VLDLR: variants seen among roughly 807,000 people sequenced by gnomAD.
VLDLR encodes very low density lipoprotein receptor.
In VLDLR, 81 loss-of-function variants were observed where a neutral mutation model predicts 112.7. That is an observed-to-expected ratio of 0.72 (90% CI 0.60 to 0.86). The LOEUF (loss-of-function observed/expected upper bound fraction) is 0.86. Among genes scored for constraint, VLDLR ranks in the 40% least tolerant of loss-of-function variants. VLDLR has a pLI of 0.00. For missense variants in VLDLR, 1,237 were observed against 1,099.4 expected, an observed-to-expected ratio of 1.13 and a Z score of -1.77; for synonymous variants, 436 against 384.8, an observed-to-expected ratio of 1.13 and a Z score of -1.56.
chr9:2,647,371 A>T, intron 11 of VLDLR, 103 bp from the exon 12 acceptor site: 1 of 881,586 alleles, frequency 1.1e-6, no homozygotes, highest in South Asian at 1.3e-5. Context: ...TCACTAGAGA[A>T]TGCCTTGAGT....
In VLDLR at chr9:2,652,813, T is replaced by C. The variant is rs1818412460; in HGVS notation, c.2450T>C (p.Leu817Ser). 3.1e-6 allele frequency: 5 copies of C among 1,614,046 alleles called. No homozygotes were observed. The highest frequency in any genetic ancestry group is 8.5e-7 in the Non-Finnish European group (1 of 1,180,008). Residue 817 changes from leucine to serine, a missense_variant, in exon 18 of 19, where the codon TTG (leucine) becomes TCG (serine). By Grantham distance (145) the Leu-to-Ser change is moderately radical. Transcript: ENST00000382100. ...LLVMAAVGGY[L>S]MWRNWQHKNM... Reference sequence around the variant, plus strand: ...GTGATGGCAGCAGTAGGTGGCTACTTGATGTGGCGGAATTGGCAACACAAG... The same window carrying C: ...GTGATGGCAGCAGTAGGTGGCTACTCGATGTGGCGGAATTGGCAACACAAG...
At chr9:2,646,301 C>G (rs773590400) in intron 10 of VLDLR, 33 bp from the exon 11 acceptor site, 6 of 1,607,966 alleles carry the variant, frequency 3.7e-6, no homozygotes, top group Non-Finnish European at 4.3e-6. Context: ...TTGTGTCAAA[C>G]TCTTAAATTT....
intron 18 of VLDLR, among the ~76,000 whole-genome samples, chr9:2,653,387 C>T (rs1204481358): frequency 6.6e-6 from 1 of 152,146 alleles, no homozygotes; most frequent in Non-Finnish European, 1.5e-5. Flanking sequence ...TCCCACCGCC[C>T]TTAGTATAGC....
At chr9:2,625,078 A>C (rs1817031158) in intron 1 of VLDLR, among the ~76,000 whole-genome samples, 1 of 152,264 alleles carries the variant, frequency 6.6e-6, no homozygotes, top group Admixed American at 6.5e-5. Context: ...TTGCTAGCAA[A>C]GGTGACAGTC....
chr9:2,629,775 C>T (rs1817254873), intron 1 of VLDLR, among the ~76,000 whole-genome samples: 1 of 152,134 alleles, frequency 6.6e-6, no homozygotes, highest in African/African-American at 2.4e-5. Flanking sequence ...TAGTGGCCCC[C>T]GAACTAGTGT....
Position 2,650,510 on chromosome 9 carries a change from T to C in VLDLR, c.2245T>C (p.Cys749Arg). The part of the protein sequence containing the change: ...GYNVEENGRD[C>R]QSTATTVTYS... ...CAATGTAGAGGAAAATGGCCGAGAC[T>C]GTCAAAGTAAGGCATTTTGTGTTTC... The change falls in exon 15 of 19, where the codon TGT becomes CGT. Residue 749 changes from cysteine to arginine, a missense_variant. Coordinates refer to ENST00000382100, the MANE Select transcript of VLDLR (RefSeq NM_003383.5). 6.2e-7 allele frequency: 1 copy of C among 1,613,606 alleles called. No homozygotes were observed. The highest frequency in any genetic ancestry group is 8.5e-7 in the Non-Finnish European group (1 of 1,179,988).
At chr9:2,646,252 A>G (rs1818063720) in intron 10 of VLDLR, 82 bp from the exon 11 acceptor site, 6 of 1,358,434 alleles carry the variant, frequency 4.4e-6, no homozygotes, top group Admixed American at 1.7e-5. Context: ...AAAGTCATTG[A>G]CCATTTTGTA....
In VLDLR at chr9:2,651,620, T is replaced by TAAAC. The variant is rs572986060; in HGVS notation, c.2335+124_2335+127dup. ...TCTGCCCCAATTGGTAACCTATATTTAAACACCAAAGACTTAAAACTTGCA... is the reference window on the plus strand; with the variant it reads ...TCTGCCCCAATTGGTAACCTATATTTAAACAAACACCAAAGACTTAAAACTTGCA... On this transcript the variant is annotated intron_variant, in intron 16 of 18. Coordinates refer to ENST00000382100, the MANE Select transcript of VLDLR (RefSeq NM_003383.5). 2.3e-4 allele frequency: 224 copies of TAAAC among 993,366 alleles called. 1 individual carries two copies. In the African/African-American group the frequency reaches 3.0e-3, roughly 13 times the overall value. The allele number at this position is 993,366 out of a possible 1,614,324, so 61.5% of individuals were successfully genotyped here.
At chr9:2,640,121 C>A in intron 3 of VLDLR, 140 bp downstream of exon 3, 1 of 1,336,964 alleles carries the variant, frequency 7.5e-7, no homozygotes, top group Non-Finnish European at 1.1e-6. Context: ...CAAGGGCAGT[C>A]AAATCATTAC....
chr9:2,644,620 A>G, intron 7 of VLDLR, 114 bp from the exon 8 acceptor site: 2 of 1,354,136 alleles, frequency 1.5e-6, no homozygotes, highest in Non-Finnish European at 2.1e-6. Context: ...TCTTAGACAA[A>G]TCGTGGGTTT....
intron 4 of VLDLR, among the ~76,000 whole-genome samples, 163 bp downstream of exon 4, chr9:2,641,662 C>T (rs917417839): frequency 2.6e-5 from 4 of 152,116 alleles, no homozygotes; most frequent in African/African-American, 9.7e-5. Context: ...GCCCTAAAAC[C>T]CTAAAAGACA....
intron 10 of VLDLR, among the ~76,000 whole-genome samples, chr9:2,646,085 GAAAC>G (rs1818055392): frequency 6.6e-6 from 1 of 151,870 alleles, no homozygotes; most frequent in South Asian, 2.1e-4. Context: ...GATGGATACT[GAAAC>G]AAATAGCTTC....
intron 15 of VLDLR, among the ~76,000 whole-genome samples, chr9:2,650,925 C>T (rs566167743): frequency 2.0e-5 from 3 of 152,214 alleles, no homozygotes; most frequent in African/African-American, 7.2e-5. Context: ...GCTGAATTTG[C>T]ATTTAGTCTT....
At position 2,635,580 on chromosome 9, in the gene VLDLR, AAG is replaced by A; in HGVS notation, c.202+11_202+12del. ...GTGATGAAAAGAACTGTGGTAAGTA[AAG>A]AGTTTGATGACTTATGCATTTTGTT... On this transcript the variant is annotated intron_variant, in intron 2 of 18. Coordinates refer to ENST00000382100, the MANE Select transcript of VLDLR (RefSeq NM_003383.5). The A allele has an allele frequency of 6.2e-7, 1 of 1,613,988 alleles. No homozygotes were observed. The highest frequency in any genetic ancestry group is 1.7e-5 in the Admixed American group (1 of 60,010).
chr9:2,622,143 C>G lies in VLDLR; in HGVS notation c.-47C>G. On this transcript the variant is annotated 5_prime_UTR_variant, in exon 1 of 19. Coordinates refer to ENST00000382100, the MANE Select transcript of VLDLR (RefSeq NM_003383.5). Reference sequence around the variant, plus strand: ...AGGACTGGTAACTTGTCGTGCGGAGCGAACGGCGGCGGCGGCGGCGGCGGC... The same window carrying G: ...AGGACTGGTAACTTGTCGTGCGGAGGGAACGGCGGCGGCGGCGGCGGCGGC... 3 of 1,387,458 alleles carry G rather than the reference C, an allele frequency of 2.2e-6. No homozygotes were observed. Among genetic ancestry groups the G allele is most frequent in the Non-Finnish European group, 1.9e-6 (2 of 1,057,330 alleles). 85.9% of individuals were successfully genotyped at this position (1,387,458 alleles called of 1,614,324 possible).
At chr9:2,622,699 G>C (rs557017462) in intron 1 of VLDLR, among the ~76,000 whole-genome samples, 11 of 152,264 alleles carry the variant, frequency 7.2e-5, no homozygotes, top group African/African-American at 2.6e-4. Context: ...CGAACCCCGG[G>C]GAGTGCGGGA....
chr9:2,653,531 G>T (rs1223865069), intron 18 of VLDLR, among the ~76,000 whole-genome samples: 1 of 152,144 alleles, frequency 6.6e-6, no homozygotes, highest in Non-Finnish European at 1.5e-5. Flanking sequence ...GGTGAAACAT[G>T]GAACAGTGGT....
intron 2 of VLDLR, among the ~76,000 whole-genome samples, chr9:2,638,434 A>C (rs1019743183): frequency 1.3e-5 from 2 of 152,186 alleles, no homozygotes; most frequent in Non-Finnish European, 2.9e-5. Context: ...TCAAATTGTG[A>C]ATTTTTCACT....
chr9:2,644,325 A>ATTTTT (rs374242751), intron 7 of VLDLR, among the ~76,000 whole-genome samples: 11 of 122,960 alleles, frequency 8.9e-5, no homozygotes, highest in African/African-American at 3.2e-4. Flanking sequence ...CGCCCGGCTA[A>ATTTTT]TTTTTTTTTT....
Sources: allele counts gnomAD v4.1 joint callset (sites outside exome capture counted in the v4.1 genomes callset), GRCh38; gene constraint gnomAD v4.1.1; transcripts MANE v1.5; gene names NCBI Gene and HGNC (gene_info 2026-07-23, HGNC 2026-07-21).